PLCE1: variants seen among roughly 807,000 people sequenced by gnomAD.
PLCE1 encodes 1-phosphatidylinositol 4,5-bisphosphate phosphodiesterase epsilon-1.
In PLCE1, 119 loss-of-function variants were observed where a neutral mutation model predicts 242.8. That is an observed-to-expected ratio of 0.49 (90% confidence interval 0.42 to 0.57). The LOEUF is 0.57. PLCE1 is among the 20% of genes least tolerant of loss of function. The pLI, the probability that PLCE1 is intolerant of heterozygous loss-of-function variation, is 0.00. For synonymous variants in PLCE1, 945 were observed against 1,017.4 expected, an observed-to-expected ratio of 0.93 and a Z score of 1.35; for missense variants, 2,441 against 2,788.8, an observed-to-expected ratio of 0.88 and a Z score of 2.81.
chr10:94,221,740 A>AG (rs1554887388), intron 4 of PLCE1, among the ~76,000 whole-genome samples: 1 of 152,000 alleles, frequency 6.6e-6, no homozygotes, highest in Non-Finnish European at 1.5e-5. Context: ...GTCTAAAAAA[A>AG]AAGAAGAAGA....
intron 4 of PLCE1, among the ~76,000 whole-genome samples, chr10:94,211,911 G>A (rs1358232422): frequency 6.6e-6 from 1 of 152,066 alleles, no homozygotes; most frequent in African/African-American, 2.4e-5. Flanking sequence ...AGAGCTCAGA[G>A]AGACCCCTGT....
At position 94,031,953 on chromosome 10, in the gene PLCE1, T is replaced by C. The variant is rs771881470; in HGVS notation, c.907T>C (p.Phe303Leu). ...AKTFLSHFED[F>L]PDNCDDVEED... ...GACCTTTTTGAGCCATTTTGAGGACTTCCCTGATAATTGTGATGATGTAGA... is the reference window on the plus strand; with the variant it reads ...GACCTTTTTGAGCCATTTTGAGGACCTCCCTGATAATTGTGATGATGTAGA... Residue 303 changes from phenylalanine (F) to leucine (L), a missense_variant, in exon 2 of 33, where the codon TTC (phenylalanine) becomes CTC (leucine). Physicochemically the swap from Phe to Leu is conservative, Grantham distance 22 (BLOSUM62 0). Transcript: ENST00000371380. 6.2e-6 allele frequency: 10 copies of C among 1,613,814 alleles called. No individual in the cohort carries two copies. In the East Asian group the frequency reaches 2.2e-4, roughly 36 times the overall value.
intron 3 of PLCE1, among the ~76,000 whole-genome samples, chr10:94,142,350 C>A (rs78006859): frequency 1.5e-3 from 176 of 119,302 alleles, no homozygotes; most frequent in Middle Eastern, 4.5e-3. Context: ...GATGCTGTCT[C>A]AAAAAAAAAA....
In PLCE1 at chr10:94,071,683, G is replaced by A. The variant is rs1238473746; in HGVS notation, c.1206+39431G>A. Among the ~76,000 whole-genome samples the A allele has an allele frequency of 2.6e-5, 4 of 151,466 alleles. No individual in the cohort carries two copies. The East Asian group carries it at 7.8e-4, about 29-fold the overall frequency. The stretch of plus-strand genomic sequence containing the variant: ...CCAGCTAATATTTTTTTAATTTGTA[G>A]AGATGAGCTCTTTCTGTGTTGCCCA... On this transcript the variant is annotated intron_variant, in intron 2 of 32. Coordinates refer to ENST00000371380, the MANE Select transcript of PLCE1 (RefSeq NM_016341.4).
intron 24 of PLCE1, among the ~76,000 whole-genome samples, chr10:94,302,226 G>T (rs2053063530): frequency 6.6e-6 from 1 of 152,134 alleles, no homozygotes; most frequent in Non-Finnish European, 1.5e-5. Flanking sequence ...CACCAAGTTA[G>T]ATTTCAGTTA....
chr10:94,252,016 AGT>A lies in PLCE1; in HGVS notation c.3097-298_3097-297del, dbSNP rs139155464. On this transcript the variant is annotated intron_variant, in intron 8 of 32. Transcript: ENST00000371380. The stretch of plus-strand genomic sequence containing the variant: ...AGTAAGTCTAAATGAATTTTCCTAC[AGT>A]GGTAGTTCTGCAATTTAACCTCTGT... Among the ~76,000 whole-genome samples the A allele has an allele frequency of 3.9e-3, 590 of 152,300 alleles. 2 individuals are homozygous for A. Among genetic ancestry groups the A allele is most frequent in the African/African-American group, 0.013 (559 of 41,586 alleles).
rs1174256968 is a variant in PLCE1, at chr10:94,004,295, A to G, written c.-365+10037A>G. On this transcript the variant is annotated intron_variant, in intron 1 of 32. Transcript: ENST00000371380. ...TGGACTTCCTTTTCTGGAGTAAAAC[A>G]TTAAATAGCAGAGCAGCAAACCTGC... Among the ~76,000 whole-genome samples the G allele has an allele frequency of 2.0e-5, 3 of 152,234 alleles. No individual in the cohort carries two copies. In the East Asian group the frequency reaches 5.8e-4, roughly 29 times the overall value.
In PLCE1 at chr10:94,227,457, G is replaced by C. The variant is rs1474913976; in HGVS notation, c.1955+6G>C. The C allele has an allele frequency of 1.2e-6, 2 of 1,613,124 alleles. No homozygotes were observed. Among genetic ancestry groups the C allele is most frequent in the Non-Finnish European group, 1.7e-6 (2 of 1,179,158 alleles). On this transcript the variant is annotated splice_donor_region_variant and intron_variant, in intron 5 of 32. Coordinates refer to ENST00000371380, the MANE Select transcript of PLCE1 (RefSeq NM_016341.4). ...GAGTTCTTGGCTGGCCTCAGGTATA[G>C]TCAGTGGGGAATATGGTTATCTTGG...
In PLCE1 at chr10:94,273,723, A is replaced by C; in HGVS notation, c.4665+3A>C. The C allele has an allele frequency of 2.5e-6, 4 of 1,613,206 alleles. No individual in the cohort carries two copies. Among genetic ancestry groups the C allele is most frequent in the Non-Finnish European group, 3.4e-6 (4 of 1,179,304 alleles). On this transcript the variant is annotated splice_donor_region_variant and intron_variant, in intron 19 of 32. Transcript: ENST00000371380. ...CAGTGGATATCTTAAAGCAAAAGGT[A>C]CTCCCCTCTGTTAAACCAGTTATGA... is the stretch of plus-strand genomic sequence containing the variant.
chr10:94,178,145 C>T lies in PLCE1; in HGVS notation c.1809+6649C>T, dbSNP rs190007964. Among the ~76,000 whole-genome samples, 41 of 152,290 alleles carry T rather than the reference C, an allele frequency of 2.7e-4. 1 individual carries two copies. The highest frequency in any genetic ancestry group is 1.7e-3 in the Admixed American group (26 of 15,308). ...TAACCTGTCACCACCCACACCACTTCCAGGCACTCTTTTGTGTAACAGACA... is the reference window on the plus strand; with the variant it reads ...TAACCTGTCACCACCCACACCACTTTCAGGCACTCTTTTGTGTAACAGACA... On this transcript the variant is annotated intron_variant, in intron 4 of 32. Transcript: ENST00000371380.
At chr10:94,163,510 T>C (rs1414369896) in intron 3 of PLCE1, among the ~76,000 whole-genome samples, 1 of 152,166 alleles carries the variant, frequency 6.6e-6, no homozygotes, top group Admixed American at 6.5e-5. Flanking sequence ...ATTTGCTTGG[T>C]AGATCTTCCT....
intron 2 of PLCE1, among the ~76,000 whole-genome samples, chr10:94,110,309 G>T (rs1192980059): frequency 6.6e-6 from 1 of 151,948 alleles, no homozygotes; most frequent in African/African-American, 2.4e-5. Context: ...TGATCCGCCT[G>T]CCTCGGCCTC....
Position 94,283,791 on chromosome 10 carries a change from C to T in PLCE1, c.4797C>T (p.Asp1599=), listed in dbSNP as rs1443119002. ...TGAAGTCTGCTAACTTATTTTCAGA[C>T]AACATTCTGGAAGACAGACCTGAAA... ...YDYDYESLSD[D]NILEDRPENK... is the part of the protein sequence containing the mutation. Residue 1599 remains aspartate (D), a splice_region_variant and synonymous_variant, in exon 21 of 33, where the codon GAC becomes GAT. Transcript: ENST00000371380. 3 of 1,610,726 alleles carry T rather than the reference C, an allele frequency of 1.9e-6. No individual in the cohort carries two copies. Among genetic ancestry groups the T allele is most frequent in the Middle Eastern group, 1.7e-4 (1 of 6,000 alleles).
chr10:94,174,692 A>G (rs1441550992), intron 4 of PLCE1, among the ~76,000 whole-genome samples: 1 of 152,196 alleles, frequency 6.6e-6, no homozygotes, highest in Non-Finnish European at 1.5e-5. Context: ...AGCAATGAAA[A>G]AAAATATCAG....
At chr10:94,004,043 A>T (rs1451151747) in intron 1 of PLCE1, among the ~76,000 whole-genome samples, 5 of 152,032 alleles carry the variant, frequency 3.3e-5, no homozygotes, top group Non-Finnish European at 7.4e-5. Flanking sequence ...GCTACTTGGG[A>T]GGCCGAGGCA....
chr10:94,281,784 G>C (rs2052235371), intron 20 of PLCE1, among the ~76,000 whole-genome samples: 1 of 152,060 alleles, frequency 6.6e-6, no homozygotes, highest in South Asian at 2.1e-4. Flanking sequence ...CGCTCTGACT[G>C]GATGATTCTC....
chr10:94,074,291 C>T (rs2044442785), intron 2 of PLCE1, among the ~76,000 whole-genome samples: 1 of 150,832 alleles, frequency 6.6e-6, no homozygotes, highest in South Asian at 2.1e-4. Context: ...CTCCTGAGCT[C>T]AAGTGATACT....
At chr10:94,181,306 C>T (rs2048302988) in intron 4 of PLCE1, among the ~76,000 whole-genome samples, 1 of 152,180 alleles carries the variant, frequency 6.6e-6, no homozygotes, top group South Asian at 2.1e-4. Flanking sequence ...GGTGCGGTGG[C>T]TCACGCCTGT....
chr10:94,173,252 G>T (rs1160899300), intron 4 of PLCE1, among the ~76,000 whole-genome samples: 1 of 152,172 alleles, frequency 6.6e-6, no homozygotes, highest in African/African-American at 2.4e-5. Flanking sequence ...GATTGCACTG[G>T]GGGGTGGTGC....
Sources: gnomAD v4.1 joint callset for allele counts (sites outside exome capture counted in the v4.1 genomes callset) on GRCh38, gnomAD v4.1.1 for gene constraint, MANE v1.5 for transcripts, NCBI Gene and HGNC (gene_info 2026-07-23, HGNC 2026-07-21) for gene names.